The following CAMK4 variants were observed in gnomAD, a reference collection of about 807,000 sequenced individuals.
CAMK4 encodes calcium/calmodulin dependent protein kinase IV.
A neutral mutation model predicts 44.9 loss-of-function variants in CAMK4; 22 were observed. That is an observed-to-expected ratio of 0.49 (90% CI 0.35 to 0.70). CAMK4 has a LOEUF of 0.70. Among genes scored for constraint, CAMK4 ranks in the 30% least tolerant of loss-of-function variants. The probability of loss-of-function intolerance (pLI) is 0.01; values close to 1 mark genes in which losing one functional copy is unlikely to be tolerated. For missense variants in CAMK4, 498 were observed against 586.8 expected (o/e 0.85, Z 1.56); for synonymous variants, 218 against 215.4 (o/e 1.01, Z -0.11).
chr5:111,476,732 C>T (rs75213705), intron 8 of CAMK4, among the ~76,000 whole-genome samples: 3,671 of 152,248 alleles, frequency 0.024, 155 homozygotes, highest in African/African-American at 0.083. Flanking sequence ...AACCCTCTTC[C>T]CCTACAGACA....
chr5:111,346,512 A>ATCTATCTATCTC (rs1166907768), intron 2 of CAMK4, among the ~76,000 whole-genome samples: 4 of 142,146 alleles, frequency 2.8e-5, no homozygotes, highest in East Asian at 2.1e-4. Flanking sequence ...CTATCTATCT[A>ATCTATCTATCTC]TCTCCATCCA....
At chr5:111,418,367 C>A (rs1200975955) in intron 5 of CAMK4, among the ~76,000 whole-genome samples, 1 of 152,074 alleles carries the variant, frequency 6.6e-6, no homozygotes, top group Non-Finnish European at 1.5e-5. Context: ...CACAGGACCA[C>A]AGGATGGGGT....
At chr5:111,449,253 T>G (rs772108535) in intron 7 of CAMK4, 50 bp downstream of exon 7, 1 of 858,556 alleles carries the variant, frequency 1.2e-6, no homozygotes, top group Non-Finnish European at 1.8e-6. Flanking sequence ...TTGAAATGTA[T>G]TTTTGTTTAG....
intron 2 of CAMK4, among the ~76,000 whole-genome samples, chr5:111,355,328 G>A (rs1017019076): frequency 9.2e-5 from 14 of 152,008 alleles, no homozygotes; most frequent in Admixed American, 5.2e-4. Flanking sequence ...GAGAGCAAAG[G>A]TGACAGGGAG....
intron 5 of CAMK4, among the ~76,000 whole-genome samples, chr5:111,440,981 A>G (rs1479820248): frequency 6.6e-6 from 1 of 152,154 alleles, no homozygotes; most frequent in African/African-American, 2.4e-5. Context: ...CCTCATTTCT[A>G]ATTCCCACTA....
At chr5:111,427,564 G>A (rs1753272772) in intron 5 of CAMK4, among the ~76,000 whole-genome samples, 1 of 152,228 alleles carries the variant, frequency 6.6e-6, no homozygotes, top group Admixed American at 6.5e-5. Context: ...TTCACGACAA[G>A]CTGACATAAG....
chr5:111,252,347 G>A (rs1159264108), intron 1 of CAMK4, among the ~76,000 whole-genome samples: 1 of 152,208 alleles, frequency 6.6e-6, no homozygotes, highest in African/African-American at 2.4e-5. Flanking sequence ...ACCATGGGGT[G>A]AGTACCTTCT....
chr5:111,395,053 A>T (rs12514941), intron 5 of CAMK4, among the ~76,000 whole-genome samples: 1 of 151,836 alleles, frequency 6.6e-6, no homozygotes, highest in Non-Finnish European at 1.5e-5. Flanking sequence ...TAATAAAAAT[A>T]AAAAAATTAG....
At chr5:111,232,223 A>G (rs1314740602) in intron 1 of CAMK4, among the ~76,000 whole-genome samples, 2 of 152,212 alleles carry the variant, frequency 1.3e-5, no homozygotes, top group African/African-American at 4.8e-5. Flanking sequence ...ATAGGGTACT[A>G]CTAATAAGGC....
intron 5 of CAMK4, among the ~76,000 whole-genome samples, chr5:111,407,319 C>G (rs944542893): frequency 1.3e-5 from 2 of 148,916 alleles, no homozygotes; most frequent in Non-Finnish European, 3.0e-5. Flanking sequence ...CCACTGCACT[C>G]TAGCCTGGGT....
chr5:111,377,055 T>C (rs1751239323), intron 4 of CAMK4, 113 bp downstream of exon 4: 2 of 617,472 alleles, frequency 3.2e-6, no homozygotes, highest in Non-Finnish European at 2.8e-6. Flanking sequence ...TACTTGTTGA[T>C]AAATACTACT....
At chr5:111,318,349 A>G (rs539172193) in intron 1 of CAMK4, among the ~76,000 whole-genome samples, 17 of 152,304 alleles carry the variant, frequency 1.1e-4, no homozygotes, top group Non-Finnish European at 2.2e-4. Flanking sequence ...ATAAAATCCC[A>G]GATGTGGTTT....
chr5:111,266,477 T>A, intron 1 of CAMK4, among the ~76,000 whole-genome samples: 1 of 152,234 alleles, frequency 6.6e-6, no homozygotes, highest in East Asian at 1.9e-4. Context: ...TGCCCACATT[T>A]CTGGCACAGT....
At chr5:111,431,393 C>T (rs1329640161) in intron 5 of CAMK4, among the ~76,000 whole-genome samples, 1 of 152,086 alleles carries the variant, frequency 6.6e-6, no homozygotes, top group Non-Finnish European at 1.5e-5. Flanking sequence ...CCTACAACCT[C>T]AAACTATGAA....
chr5:111,239,328 T>C (rs1302038668), intron 1 of CAMK4, among the ~76,000 whole-genome samples: 1 of 152,226 alleles, frequency 6.6e-6, no homozygotes, highest in African/African-American at 2.4e-5. Flanking sequence ...TTTAACCTTG[T>C]CAGTGTTTCT....
At chr5:111,454,660 A>AG (rs1289078991) in intron 7 of CAMK4, among the ~76,000 whole-genome samples, 1 of 151,522 alleles carries the variant, frequency 6.6e-6, no homozygotes, top group African/African-American at 2.4e-5. Flanking sequence ...AAAAAAAAAA[A>AG]AAAGAAAAAA....
At chr5:111,241,357 C>A (rs979794853) in intron 1 of CAMK4, among the ~76,000 whole-genome samples, 3 of 152,086 alleles carry the variant, frequency 2.0e-5, no homozygotes, top group African/African-American at 7.2e-5. Context: ...CCCCTATGCC[C>A]CCAGTCTGGA....
intron 7 of CAMK4, among the ~76,000 whole-genome samples, chr5:111,454,793 A>G (rs1255606587): frequency 6.6e-6 from 1 of 152,196 alleles, no homozygotes; most frequent in Non-Finnish European, 1.5e-5. Flanking sequence ...AAACCCACCC[A>G]CGCCAATCCT....
rs952723690 is a variant in CAMK4, at chr5:111,290,275, G to A, written c.162-53749G>A. Among the ~76,000 whole-genome samples the A allele has an allele frequency of 6.6e-6, 1 of 152,162 alleles. No homozygotes were observed. Among genetic ancestry groups the A allele is most frequent in the Non-Finnish European group, 1.5e-5 (1 of 68,034 alleles). On this transcript the variant is annotated intron_variant, in intron 1 of 10. Transcript: ENST00000282356. This position sits in a 1 kb window ranked among gnomAD's most constrained non-coding sequence, Gnocchi z 4.5. ...GTTAGGCCACCTGCTTCTAATCTTA[G>A]AAGCAAGACCAATAGGTCCCATGGC...
Sources: allele counts gnomAD v4.1 joint callset (sites outside exome capture counted in the v4.1 genomes callset), GRCh38; gene constraint gnomAD v4.1.1; non-coding constraint Gnocchi (gnomAD v3.1); transcripts MANE v1.5; gene names NCBI Gene and HGNC (gene_info 2026-07-23, HGNC 2026-07-21).